The following CXXC5 variants were observed in gnomAD, a reference collection of about 807,000 sequenced individuals.
The protein encoded by CXXC5 is CXXC finger protein 5.
A neutral mutation model predicts 17.6 loss-of-function variants in CXXC5; 2 were observed. The observed-to-expected ratio is 0.11, with a 90% confidence interval of 0.05 to 0.36. CXXC5 has a LOEUF of 0.36. CXXC5 is among the 10% of genes least tolerant of loss of function. CXXC5 has a pLI of 1.00. For synonymous variants in CXXC5, 171 were observed against 193.0 expected (o/e 0.89, Z 0.94); for missense variants, 343 against 458.3 (o/e 0.75, Z 2.30).
intron 1 of CXXC5, among the ~76,000 whole-genome samples, chr5:139,652,905 G>A (rs933193863): frequency 1.3e-5 from 2 of 152,190 alleles, no homozygotes; most frequent in African/African-American, 2.4e-5. Context: ...TGAGTAGAGT[G>A]TGTCTGAATT....
rs769963471 is a variant in CXXC5 at position 139,682,879 on chromosome 5, C to A, written c.941C>A (p.Thr314Lys). 1 of 1,594,420 alleles carries A rather than the reference C, an allele frequency of 6.3e-7. No homozygotes were observed. Among genetic ancestry groups the A allele is most frequent in the South Asian group, 1.1e-5 (1 of 88,080 alleles). Residue 314 changes from threonine to lysine, a missense_variant, in exon 3 of 3, where the codon ACG (threonine) becomes AAG (lysine). Thr to Lys is a moderately conservative substitution (Grantham distance 78). Around this residue, in one of 4 missense-constraint regions of CXXC5, gnomAD observed 23 missense variants for 31.0 expected, o/e 0.74. Transcript: ENST00000302517. ...CCCCGCCAGAAGGTGATGCTTCCGA[C>A]GGGAGCCGCCTTCCGGTGGTTTCAG... The part of the protein sequence containing the change: ...SAALEKVMLP[T>K]GAAFRWFQ
At position 139,658,448 on chromosome 5, in the gene CXXC5, T is replaced by C. The variant is rs1442951150; in HGVS notation, c.-161+9603T>C. Among the ~76,000 whole-genome samples, 2 of 152,106 alleles carry C rather than the reference T, an allele frequency of 1.3e-5. No homozygotes were observed. The highest frequency in any genetic ancestry group is 2.9e-5 in the Non-Finnish European group (2 of 67,996). ...CCTGAGGTCACAGGGCCTCTTGTCC[T>C]CAGGTGACATGAGCCCATACCTGGG... On this transcript the variant is annotated intron_variant, in intron 1 of 2. Coordinates refer to ENST00000302517, the MANE Select transcript of CXXC5 (RefSeq NM_016463.9). The surrounding 1 kb of genome is among the most constrained non-coding windows in gnomAD (Gnocchi z 4.1).
At chr5:139,654,234 C>A (rs565041506) in intron 1 of CXXC5, among the ~76,000 whole-genome samples, 2 of 152,338 alleles carry the variant, frequency 1.3e-5, no homozygotes, top group South Asian at 2.1e-4. Flanking sequence ...AATTGAACCA[C>A]TGAGCTCCAC....
chr5:139,679,268 C>T (rs1757045353), intron 1 of CXXC5, among the ~76,000 whole-genome samples: 1 of 152,212 alleles, frequency 6.6e-6, no homozygotes, highest in Non-Finnish European at 1.5e-5. Context: ...GGCCAGAGCA[C>T]CACAGTGAGG....
rs533890119 is a variant in CXXC5 at position 139,675,115 on chromosome 5, A to C, written c.-160-5249A>C. ...CAGCTCCTGTGCACTCCTGGAAGGC[A>C]GTGCTGGGGTCTGGGTCTGTGTGCT... On this transcript the variant is annotated intron_variant, in intron 1 of 2. Coordinates refer to ENST00000302517, the MANE Select transcript of CXXC5 (RefSeq NM_016463.9). Among the ~76,000 whole-genome samples the C allele has an allele frequency of 5.3e-5, 8 of 152,272 alleles. No individual in the cohort carries two copies. The East Asian group carries it at 1.4e-3, about 26-fold the overall frequency.
intron 1 of CXXC5, among the ~76,000 whole-genome samples, chr5:139,654,101 C>T (rs1195010384): frequency 6.6e-6 from 1 of 152,168 alleles, no homozygotes; most frequent in Non-Finnish European, 1.5e-5. Flanking sequence ...AGCTTGTACC[C>T]TCACCTGGGG....
intron 1 of CXXC5, among the ~76,000 whole-genome samples, chr5:139,677,061 G>T (rs1756878526): frequency 6.6e-6 from 1 of 152,022 alleles, no homozygotes; most frequent in Non-Finnish European, 1.5e-5. Context: ...ATGGACAAAG[G>T]GGTCCTTTGT....
intron 1 of CXXC5, among the ~76,000 whole-genome samples, chr5:139,660,898 G>T (rs1034119869): frequency 7.3e-6 from 1 of 136,930 alleles, no homozygotes; most frequent in Non-Finnish European, 1.5e-5. Flanking sequence ...GCCAGGCTGC[G>T]GGCCTGTCCC....
At chr5:139,669,808 C>T (rs1030744892) in intron 1 of CXXC5, among the ~76,000 whole-genome samples, 11 of 152,168 alleles carry the variant, frequency 7.2e-5, no homozygotes, top group African/African-American at 2.2e-4. Context: ...TACCTGAGGG[C>T]GGGGGCACCC....
chr5:139,682,842 T>C, intron 2 of CXXC5, 21 bp from the exon 3 acceptor site: 2 of 1,585,934 alleles, frequency 1.3e-6, no homozygotes, highest in Non-Finnish European at 8.6e-7. Flanking sequence ...TCTCCTTGTT[T>C]TTGTCTCCCG....
chr5:139,661,946 G>T lies in CXXC5; in HGVS notation c.-161+13101G>T, dbSNP rs1336906115. ...GGGGCCTCTGGCCCAGGCAGAGTGG[G>T]TTGGGTACATGGGGGAGAGATACAG... On this transcript the variant is annotated intron_variant, in intron 1 of 2. Coordinates refer to ENST00000302517, the MANE Select transcript of CXXC5 (RefSeq NM_016463.9). The surrounding 1 kb of genome is among the most constrained non-coding windows in gnomAD (Gnocchi z 4.7). Among the ~76,000 whole-genome samples, 1 of 152,270 alleles carries T rather than the reference G, an allele frequency of 6.6e-6. No individual in the cohort carries two copies. The highest frequency in any genetic ancestry group is 1.5e-5 in the Non-Finnish European group (1 of 68,046).
chr5:139,653,424 G>T (rs114427155), intron 1 of CXXC5, among the ~76,000 whole-genome samples: 86 of 152,266 alleles, frequency 5.6e-4, no homozygotes, highest in Admixed American at 3.0e-3. Flanking sequence ...GGATATGTGG[G>T]GCTTACCTGG....
intron 1 of CXXC5, among the ~76,000 whole-genome samples, chr5:139,652,953 A>G (rs1755288688): frequency 6.6e-6 from 1 of 152,016 alleles, no homozygotes; most frequent in Admixed American, 6.5e-5. Context: ...CTGTATGGAC[A>G]GTGGTTTCTC....
At chr5:139,647,646 G>T (rs997090129), upstream of CXXC5, among the ~76,000 whole-genome samples, 1 of 152,180 alleles carries the variant, frequency 6.6e-6, no homozygotes, top group Non-Finnish European at 1.5e-5. Flanking sequence ...TGAGTGCGTA[G>T]GCCATGGTCT....
chr5:139,663,297 T>C lies in CXXC5; in HGVS notation c.-161+14452T>C, dbSNP rs970950478. ...CACACAGCAAGGCTATATGTTAGAC[T>C]TGAGCAGGGACTTCCAGGTGGCAAA... On this transcript the variant is annotated intron_variant, in intron 1 of 2. Coordinates refer to ENST00000302517, the MANE Select transcript of CXXC5 (RefSeq NM_016463.9). This position sits in a 1 kb window ranked among gnomAD's most constrained non-coding sequence, Gnocchi z 4.2. Among the ~76,000 whole-genome samples, 1 of 152,184 alleles carries C rather than the reference T, an allele frequency of 6.6e-6. No individual in the cohort carries two copies. Among genetic ancestry groups the C allele is most frequent in the Non-Finnish European group, 1.5e-5 (1 of 68,038 alleles).
intron 1 of CXXC5, among the ~76,000 whole-genome samples, chr5:139,675,067 G>T (rs552380680): frequency 1.3e-5 from 2 of 152,128 alleles, no homozygotes; most frequent in African/African-American, 2.4e-5. Context: ...CTTGTTTCAC[G>T]CTGGTTCATG....
rs747713237 is a variant in CXXC5, at chr5:139,680,514, C to T, written c.-10C>T. On this transcript the variant is annotated 5_prime_UTR_variant, in exon 2 of 3. Transcript: ENST00000302517. The stretch of plus-strand genomic sequence containing the variant: ...TCCCTCTGCAGTGGGGTCTGGGCCT[C>T]GGCCCCACCATGTCGAGCCTCGGCG... 2.5e-5 allele frequency: 39 copies of T among 1,547,670 alleles called. No individual in the cohort carries two copies. Among genetic ancestry groups the T allele is most frequent in the South Asian group, 2.1e-4 (18 of 84,220 alleles).
rs1047057950 is a variant in CXXC5 at position 139,680,668 on chromosome 5, G to A, written c.145G>A (p.Val49Met). The A allele has an allele frequency of 1.6e-5, 26 of 1,613,146 alleles. No homozygotes were observed. The highest frequency in any genetic ancestry group is 3.3e-5 in the Admixed American group (2 of 60,006). The change falls in exon 2 of 3, where the codon GTG (valine) becomes ATG (methionine). Residue 49 changes from valine (V) to methionine (M), a missense_variant. Physicochemically the swap from Val to Met is conservative, Grantham distance 21 (BLOSUM62 1). Around this residue, in one of 4 missense-constraint regions of CXXC5, gnomAD observed 297 missense variants for 363.4 expected, o/e 0.82. Coordinates refer to ENST00000302517, the MANE Select transcript of CXXC5 (RefSeq NM_016463.9). ...AVVAAAAPAS[V>M]ADDTPPPERR... Reference sequence around the variant, plus strand: ...GGTGGCTGCCGCCGCACCAGCCTCAGTGGCAGATGACACACCACCCCCCGA... The same window carrying A: ...GGTGGCTGCCGCCGCACCAGCCTCAATGGCAGATGACACACCACCCCCCGA...
Position 139,652,165 on chromosome 5 carries a change from C to CGTGTGT in CXXC5, c.-161+3321_-161+3322insTGTGTG, listed in dbSNP as rs1478607245. Among the ~76,000 whole-genome samples, 100 of 139,614 alleles carry CGTGTGT rather than the reference C, an allele frequency of 7.2e-4. 1 individual carries two copies. The highest frequency in any genetic ancestry group is 2.1e-3 in the South Asian group (9 of 4,270). 91.6% of individuals were successfully genotyped at this position (139,614 alleles called of 152,430 possible). On this transcript the variant is annotated intron_variant, in intron 1 of 2. Transcript: ENST00000302517. ...AGCCGCCGGCGCGCGCGCGCGCGCG[C>CGTGTGT]GCGCGCGTGTGTGTGTGTGTGTGTG... is the stretch of plus-strand genomic sequence containing the variant.
Sources: gnomAD v4.1 joint callset for allele counts (sites outside exome capture counted in the v4.1 genomes callset) on GRCh38, gnomAD v4.1.1 for gene constraint, gnomAD v4.1.1 regional missense constraint, Gnocchi (gnomAD v3.1) non-coding constraint, MANE v1.5 for transcripts, NCBI Gene and HGNC (gene_info 2026-07-23, HGNC 2026-07-21) for gene names.